KIAA0586: variants seen among roughly 807,000 people sequenced by gnomAD.
The protein encoded by KIAA0586 is KIAA0586, also known as protein TALPID3.
A neutral mutation model predicts 169.8 loss-of-function variants in KIAA0586; 144 were observed. The ratio of observed to expected loss-of-function variants is 0.85; its 90% CI spans 0.74 to 0.97. The LOEUF is 0.97. Among genes scored for constraint, KIAA0586 ranks in the 50% least tolerant of loss-of-function variants. KIAA0586 has a pLI of 0.00. For missense variants in KIAA0586, 1,854 were observed against 1,823.0 expected (o/e 1.02, Z -0.31); for synonymous variants, 625 against 612.4 (o/e 1.02, Z -0.30).
intron 5 of KIAA0586, among the ~76,000 whole-genome samples, chr14:58,443,289 G>A (rs1263332092): frequency 1.3e-5 from 2 of 152,238 alleles, no homozygotes; most frequent in African/African-American, 4.8e-5. Flanking sequence ...GTAAGTGACA[G>A]AGCCAAAACT....
At chr14:58,435,035 C>T (rs186098619) in intron 4 of KIAA0586, among the ~76,000 whole-genome samples, 163 of 152,324 alleles carry the variant, frequency 1.1e-3, no homozygotes, top group Non-Finnish European at 1.9e-3. Context: ...GAAGTCCTCC[C>T]GTCTCAGCCT....
chr14:58,448,582 T>C, intron 7 of KIAA0586, 89 bp downstream of exon 7: 1 of 856,428 alleles, frequency 1.2e-6, no homozygotes, highest in Non-Finnish European at 1.7e-6. Flanking sequence ...TCCTGAGCAG[T>C]AGGAGTTTTT....
intron 4 of KIAA0586, among the ~76,000 whole-genome samples, chr14:58,439,146 A>G (rs1279260670): frequency 6.6e-6 from 1 of 152,154 alleles, no homozygotes; most frequent in Non-Finnish European, 1.5e-5. Flanking sequence ...TATGACAGTG[A>G]TCAAGTAAAT....
chr14:58,465,424 T>G, intron 14 of KIAA0586, among the ~76,000 whole-genome samples: 1 of 152,232 alleles, frequency 6.6e-6, no homozygotes, highest in East Asian at 1.9e-4. Context: ...AGAATCTTTA[T>G]TTAACATTTT....
chr14:58,457,760 C>T lies in KIAA0586; in HGVS notation c.1364C>T (p.Pro455Leu). Residue 455 changes from proline to leucine, a missense_variant and splice_region_variant, in exon 11 of 31, where the codon CCA (proline) becomes CTA (leucine). Coordinates refer to ENST00000652326, the MANE Select transcript of KIAA0586 (RefSeq NM_001329943.3). ...TTTCTGGTCTTTTTTTCTTTTAAGC[C>T]AAAAGAATCTCTGAGTATGTTGAAG... is the stretch of plus-strand genomic sequence containing the variant. ...KEKETNSMVQPKESLSMLKLP... is the reference protein window; with the variant it reads ...KEKETNSMVQLKESLSMLKLP... 6.4e-7 allele frequency: 1 copy of T among 1,572,764 alleles called. No homozygotes were observed. Among genetic ancestry groups the T allele is most frequent in the Non-Finnish European group, 8.6e-7 (1 of 1,160,982 alleles).
intron 30 of KIAA0586, among the ~76,000 whole-genome samples, chr14:58,542,869 T>C (rs923092759): frequency 1.2e-4 from 18 of 151,932 alleles, no homozygotes; most frequent in Admixed American, 9.2e-4. Flanking sequence ...CAGCCGGGCG[T>C]GGTGGCTCAC....
chr14:58,450,621 A>ATCT lies in KIAA0586; in HGVS notation c.1004_1005insTCT (p.Lys335delinsAsnLeu). On this transcript the variant is annotated protein_altering_variant, in exon 8 of 31. Transcript: ENST00000652326. Reference sequence around the variant, plus strand: ...GAAGATACGAGTTTTGATAAACAGAAATCTCCTTTGGAGACACCAGCACCT... The same window carrying ATCT: ...GAAGATACGAGTTTTGATAAACAGAATCTATCTCCTTTGGAGACACCAGCACCT... The ATCT allele has an allele frequency of 6.2e-7, 1 of 1,611,788 alleles. No individual in the cohort carries two copies. The highest frequency in any genetic ancestry group is 8.5e-7 in the Non-Finnish European group (1 of 1,178,892).
chr14:58,518,466 A>G (rs2044929011), intron 29 of KIAA0586, among the ~76,000 whole-genome samples: 2 of 152,344 alleles, frequency 1.3e-5, no homozygotes, highest in African/African-American at 4.8e-5. Context: ...GTGCTAATCT[A>G]CAGTGGAAGT....
intron 10 of KIAA0586, among the ~76,000 whole-genome samples, chr14:58,457,427 C>T (rs1490089183): frequency 6.6e-6 from 1 of 151,968 alleles, no homozygotes; most frequent in Non-Finnish European, 1.5e-5. Flanking sequence ...GCCACCACAC[C>T]TGGCTAATTT....
Position 58,540,125 on chromosome 14 carries a change from G to T in KIAA0586, c.4484G>T (p.Cys1495Phe). ...ATTGAGCTTAATCCGTACCTCACATGTGTATTTTCAGGTAAGATTTTTACT... is the reference window on the plus strand; with the variant it reads ...ATTGAGCTTAATCCGTACCTCACATTTGTATTTTCAGGTAAGATTTTTACT... The part of the protein sequence containing the change: ...TQIELNPYLT[C>F]VFSGGKAVPL... Residue 1495 changes from cysteine to phenylalanine, a missense_variant, in exon 30 of 31, where the codon TGT (cysteine) becomes TTT (phenylalanine). Physicochemically the swap from Cys to Phe is radical, Grantham distance 205. Transcript: ENST00000652326. 1 of 1,549,168 alleles carries T rather than the reference G, an allele frequency of 6.5e-7. No homozygotes were observed. The highest frequency in any genetic ancestry group is 8.8e-7 in the Non-Finnish European group (1 of 1,140,402).
At chr14:58,483,311 T>A (rs1208370220) in intron 21 of KIAA0586, among the ~76,000 whole-genome samples, 1 of 152,222 alleles carries the variant, frequency 6.6e-6, no homozygotes, top group East Asian at 1.9e-4. Flanking sequence ...ATTTATTGAT[T>A]GATAATATTT....
downstream of KIAA0586, among the ~76,000 whole-genome samples, chr14:58,551,861 A>G (rs1025194636): frequency 1.3e-5 from 2 of 152,206 alleles, no homozygotes; most frequent in Non-Finnish European, 2.9e-5. Flanking sequence ...AACTTGAACA[A>G]TAATGGAGAG....
intron 19 of KIAA0586, among the ~76,000 whole-genome samples, chr14:58,476,367 C>G (rs1222898660): frequency 1.3e-5 from 2 of 151,982 alleles, no homozygotes; most frequent in Non-Finnish European, 1.5e-5. Context: ...TAAATTTTTT[C>G]TTTACATTTT....
At chr14:58,557,702 T>G in the KIAA0586 span, among the ~76,000 whole-genome samples, 1 of 152,188 alleles carries the variant, frequency 6.6e-6, no homozygotes, top group African/African-American at 2.4e-5. Context: ...ACTACTGGTG[T>G]GAAGCTTCTC....
chr14:58,508,701 T>C lies in KIAA0586; in HGVS notation c.4315T>C (p.Phe1439Leu). 1 of 1,583,312 alleles carries C rather than the reference T, an allele frequency of 6.3e-7. No homozygotes were observed. The highest frequency in any genetic ancestry group is 8.6e-7 in the Non-Finnish European group (1 of 1,163,498). Residue 1439 changes from phenylalanine to leucine, a missense_variant, in exon 28 of 31, where the codon TTT becomes CTT. Phe to Leu is a conservative substitution (Grantham distance 22, BLOSUM62 0). Coordinates refer to ENST00000652326, the MANE Select transcript of KIAA0586 (RefSeq NM_001329943.3). ...DVNLPVAAED[F>L]SQYQLKQNQD... is the part of the protein sequence containing the mutation. ...TAATTTACCAGTAGCCGCTGAAGAT[T>C]TTTCCCAGGTACCAAATTAATAGCA... is the stretch of plus-strand genomic sequence containing the variant.
At position 58,453,430 on chromosome 14, in the gene KIAA0586, C is replaced by G; in HGVS notation, c.1210C>G (p.Leu404Val). Residue 404 changes from leucine (L) to valine (V), a missense_variant, in exon 9 of 31, where the codon CTA becomes GTA. Leu to Val is a conservative substitution (Grantham distance 32). Coordinates refer to ENST00000652326, the MANE Select transcript of KIAA0586 (RefSeq NM_001329943.3). ...RKSESSNTTS[L>V]TRSKIGWTPE... is the part of the protein sequence containing the mutation. Reference sequence around the variant, plus strand: ...AAGTGAATCATCAAACACCACCTCACTAACTAGGTCAAAAATAGGATGGAC... The same window carrying G: ...AAGTGAATCATCAAACACCACCTCAGTAACTAGGTCAAAAATAGGATGGAC... The G allele has an allele frequency of 6.6e-7, 1 of 1,522,744 alleles. No individual in the cohort carries two copies. Among genetic ancestry groups the G allele is most frequent in the Non-Finnish European group, 8.8e-7 (1 of 1,132,868 alleles). 94.3% of individuals were successfully genotyped at this position (1,522,744 alleles called of 1,614,324 possible).
intron 29 of KIAA0586, among the ~76,000 whole-genome samples, chr14:58,533,493 T>A (rs1216155160): frequency 6.6e-6 from 1 of 152,248 alleles, no homozygotes; most frequent in Non-Finnish European, 1.5e-5. Flanking sequence ...TGGGTGACTG[T>A]TATTGTCTTC....
At chr14:58,434,058 G>A (rs78218848) in intron 4 of KIAA0586, among the ~76,000 whole-genome samples, 4,517 of 152,090 alleles carry the variant, frequency 0.03, 93 homozygotes, top group Non-Finnish European at 0.04. Flanking sequence ...AAAAAGCAGG[G>A]AAAGCAGAAG....
chr14:58,535,070 A>G (rs2046200201), intron 29 of KIAA0586, among the ~76,000 whole-genome samples: 1 of 152,258 alleles, frequency 6.6e-6, no homozygotes, highest in East Asian at 1.9e-4. Context: ...CCAACAACCT[A>G]GATTAGTTTC....
Sources: allele counts gnomAD v4.1 joint callset (sites outside exome capture counted in the v4.1 genomes callset), GRCh38; gene constraint gnomAD v4.1.1; transcripts MANE v1.5; gene names NCBI Gene and HGNC (gene_info 2026-07-23, HGNC 2026-07-21).